The following ZFYVE26 variants were observed in gnomAD, a reference collection of about 807,000 sequenced individuals.
ZFYVE26 encodes zinc finger FYVE domain-containing protein 26.
ZFYVE26 carries 181 observed loss-of-function variants against 276.5 expected under a neutral mutation model. The ratio of observed to expected loss-of-function variants is 0.65; its 90% CI spans 0.58 to 0.74. The LOEUF is 0.74. Among genes scored for constraint, ZFYVE26 ranks in the 30% least tolerant of loss-of-function variants. The probability of loss-of-function intolerance (pLI) is 0.00; values close to 1 mark genes in which losing one functional copy is unlikely to be tolerated. For missense variants in ZFYVE26, 2,821 were observed against 3,097.9 expected (o/e 0.91, Z 2.12); for synonymous variants, 1,129 against 1,203.1 (o/e 0.94, Z 1.27).
chr14:67,785,948 G>A lies in ZFYVE26; in HGVS notation c.3214C>T (p.Leu1072=). ...TELLQMCWPS[L]SEDCVASHTT... is the part of the protein sequence containing the mutation. ...TGGCTGGCAACACAGTCCTCGCTTA[G>A]GCTGGGCCAGCACATCTGAAGCAGT... Residue 1072 remains leucine, a synonymous_variant, in exon 18 of 42, where the codon CTA becomes TTA. Coordinates refer to ENST00000347230, the MANE Select transcript of ZFYVE26 (RefSeq NM_015346.4). 1 of 1,614,222 alleles carries A rather than the reference G, an allele frequency of 6.2e-7. No homozygotes were observed. The highest frequency in any genetic ancestry group is 8.5e-7 in the Non-Finnish European group (1 of 1,180,044).
At position 67,785,243 on chromosome 14, in the gene ZFYVE26, C is replaced by T. The variant is rs750115328; in HGVS notation, c.3339G>A (p.Glu1113=). 6.2e-7 allele frequency: 1 copy of T among 1,612,498 alleles called. No individual in the cohort carries two copies. The highest frequency in any genetic ancestry group is 2.2e-5 in the East Asian group (1 of 44,840). The part of the protein sequence containing the change: ...PRTPPLSSLV[E]QAAQKAPEAE... ...CCTCTGGAGCTTTCTGGGCTGCCTG[C>T]TCCACCAGGGAAGACAGTGGAGGAG... Residue 1113 remains glutamate (E), a synonymous_variant, in exon 19 of 42, where the codon GAG becomes GAA. Coordinates refer to ENST00000347230, the MANE Select transcript of ZFYVE26 (RefSeq NM_015346.4).
chr14:67,798,290 G>A lies in ZFYVE26; in HGVS notation c.1972C>T (p.Pro658Ser). 6.2e-7 allele frequency: 1 copy of A among 1,614,138 alleles called. No homozygotes were observed. The highest frequency in any genetic ancestry group is 8.5e-7 in the Non-Finnish European group (1 of 1,180,020). Residue 658 changes from proline to serine, a missense_variant, in exon 11 of 42, where the codon CCA becomes TCA. By Grantham distance (74) the Pro-to-Ser change is moderately conservative. Transcript: ENST00000347230. ...HVKAEPKDSYPGPHRHSFLDL... is the reference protein window; with the variant it reads ...HVKAEPKDSYSGPHRHSFLDL... Reference sequence around the variant, plus strand: ...AAAAAGCTGTGCCTATGAGGCCCTGGGTAACTGTCTTTTGGCTCTGCCTTC... The same window carrying A: ...AAAAAGCTGTGCCTATGAGGCCCTGAGTAACTGTCTTTTGGCTCTGCCTTC...
chr14:67,805,653 G>A (rs1376760849), intron 6 of ZFYVE26, 35 bp from the exon 7 acceptor site: 1 of 1,607,794 alleles, frequency 6.2e-7, no homozygotes, highest in East Asian at 2.2e-5. Flanking sequence ...AGGCAGCTAT[G>A]TGGATGAGAC....
rs148005245 is a variant in ZFYVE26, at chr14:67,800,924, T to TATAAATAA, written c.1639+1147_1639+1154dup. Among the ~76,000 whole-genome samples, 1,412 of 148,688 alleles carry TATAAATAA rather than the reference T, an allele frequency of 9.5e-3. 29 individuals are homozygous for TATAAATAA. Among genetic ancestry groups the TATAAATAA allele is most frequent in the African/African-American group, 0.034 (1,347 of 39,962 alleles). The stretch of plus-strand genomic sequence containing the variant: ...ACCTTGGTATAATAAAAAGTTACCG[T>TATAAATAA]ATAAATAAATAAATAAATAAATAAA... On this transcript the variant is annotated intron_variant, in intron 10 of 41. Coordinates refer to ENST00000347230, the MANE Select transcript of ZFYVE26 (RefSeq NM_015346.4).
chr14:67,782,324 A>C (rs940767476), intron 21 of ZFYVE26, among the ~76,000 whole-genome samples: 1 of 152,182 alleles, frequency 6.6e-6, no homozygotes, highest in African/African-American at 2.4e-5. Flanking sequence ...AGCCATGCTC[A>C]TTTCTTTATA....
At chr14:67,771,117 C>G (rs899411245) in intron 28 of ZFYVE26, among the ~76,000 whole-genome samples, 1 of 152,122 alleles carries the variant, frequency 6.6e-6, no homozygotes, top group Non-Finnish European at 1.5e-5. Flanking sequence ...CTGAACTTCT[C>G]CCTCCTTCCA....
rs1454949550 is a variant in ZFYVE26 at position 67,784,363 on chromosome 14, G to A, written c.3597C>T (p.Leu1199=). The A allele has an allele frequency of 1.2e-6, 2 of 1,613,978 alleles. No individual in the cohort carries two copies. Among genetic ancestry groups the A allele is most frequent in the African/African-American group, 2.7e-5 (2 of 74,916 alleles). Reference sequence around the variant, plus strand: ...CTGGGGGAACTTGTCTCTCAAACAGGAGATGTGACACCAGTTGGGAAGAGC... The same window carrying A: ...CTGGGGGAACTTGTCTCTCAAACAGAAGATGTGACACCAGTTGGGAAGAGC... The part of the protein sequence containing the change: ...QQSSSQLVSH[L]LFERQVPPER... The change falls in exon 20 of 42, where the codon CTC becomes CTT. Residue 1199 remains leucine (L), a synonymous_variant. Transcript: ENST00000347230.
At chr14:67,789,990 G>A (rs2140233178) in intron 15 of ZFYVE26, among the ~76,000 whole-genome samples, 1 of 152,304 alleles carries the variant, frequency 6.6e-6, no homozygotes, top group South Asian at 2.1e-4. Flanking sequence ...TTGTGAATAG[G>A]CATAGAAAAT....
At chr14:67,804,951 G>A (rs778223093) in intron 8 of ZFYVE26, among the ~76,000 whole-genome samples, 31 of 152,172 alleles carry the variant, frequency 2.0e-4, no homozygotes, top group Non-Finnish European at 4.0e-4. Flanking sequence ...CCTAGCTTAT[G>A]GTAAGTGCAC....
intron 21 of ZFYVE26, 58 bp downstream of exon 21, chr14:67,782,722 C>A: frequency 1.2e-6 from 2 of 1,603,912 alleles, no homozygotes; most frequent in Non-Finnish European, 1.7e-6. Flanking sequence ...TGATAATATA[C>A]CCAGTGAATA....
intron 4 of ZFYVE26, among the ~76,000 whole-genome samples, chr14:67,808,437 T>C (rs1335126024): frequency 6.6e-6 from 1 of 152,214 alleles, no homozygotes; most frequent in Non-Finnish European, 1.5e-5. Context: ...ACAACTTCAA[T>C]GTACTTAAAA....
intron 12 of ZFYVE26, among the ~76,000 whole-genome samples, 167 bp from the exon 13 acceptor site, chr14:67,794,406 A>G (rs2039900999): frequency 6.6e-6 from 1 of 152,236 alleles, no homozygotes; most frequent in Admixed American, 6.5e-5. Flanking sequence ...CCTATAGACC[A>G]AAGGCAAAGG....
intron 22 of ZFYVE26, among the ~76,000 whole-genome samples, chr14:67,780,763 T>A (rs150107810): frequency 6.6e-6 from 1 of 152,318 alleles, no homozygotes; most frequent in African/African-American, 2.4e-5. Flanking sequence ...AGAAACCTTT[T>A]TTCACCTGTC....
chr14:67,809,406 CTCTTTTTT>C, intron 3 of ZFYVE26, 117 bp from the exon 4 acceptor site: 1 of 237,772 alleles, frequency 4.2e-6, no homozygotes, highest in Non-Finnish European at 6.8e-6. Context: ...AGATGAAGCA[CTCTTTTTT>C]TTTTTTTTTT....
In ZFYVE26 at chr14:67,747,244, C is replaced by T. The variant is rs745495074; in HGVS notation, c.*1192G>A. On this transcript the variant is annotated 3_prime_UTR_variant, in exon 42 of 42. Transcript: ENST00000347230. The stretch of plus-strand genomic sequence containing the variant: ...CAAGACAGTGCATATTAAAGAAGCA[C>T]TTCACCTAGTTTTCCACCAACCAGA... The T allele has an allele frequency of 1.3e-5, 2 of 152,290 alleles. No homozygotes were observed. The highest frequency in any genetic ancestry group is 2.9e-5 in the Non-Finnish European group (2 of 68,046). The allele number at this position is 152,290 out of a possible 1,614,324, so 9.4% of individuals were successfully genotyped here.
intron 12 of ZFYVE26, among the ~76,000 whole-genome samples, 194 bp from the exon 13 acceptor site, chr14:67,794,433 A>C (rs963788667): frequency 4.6e-5 from 7 of 152,214 alleles, no homozygotes; most frequent in Non-Finnish European, 1.0e-4. Context: ...TGAATATGGC[A>C]ACAGAGTTCA....
At chr14:67,793,212 G>A (rs578219418) in intron 14 of ZFYVE26, among the ~76,000 whole-genome samples, 56 of 152,226 alleles carry the variant, frequency 3.7e-4, no homozygotes, top group Non-Finnish European at 6.2e-4. Context: ...AGCAGAAATC[G>A]TGCCACAGCA....
chr14:67,804,257 TG>T lies in ZFYVE26; in HGVS notation c.1278del (p.Ile427TyrfsTer63). The stretch of plus-strand genomic sequence containing the variant: ...TGATACAACAGATCTCTCTTTGGTA[TG>T]GGGTTGCTGAATGGAAAAGTTGGGA... ...LEWCIQQSSN[P>X]IPKRDLLYHL... On this transcript the variant is annotated frameshift_variant, in exon 9 of 42. Coordinates refer to ENST00000347230, the MANE Select transcript of ZFYVE26 (RefSeq NM_015346.4). LOFTEE classifies it high-confidence loss of function. The T allele has an allele frequency of 6.2e-7, 1 of 1,614,184 alleles. No homozygotes were observed. Among genetic ancestry groups the T allele is most frequent in the Non-Finnish European group, 8.5e-7 (1 of 1,180,024 alleles).
chr14:67,797,599 G>A, intron 12 of ZFYVE26, 73 bp downstream of exon 12: 1 of 1,511,344 alleles, frequency 6.6e-7, no homozygotes, highest in Non-Finnish European at 9.2e-7. Context: ...ACCATGTGCT[G>A]TTTCTTAAAG....
Sources: gnomAD v4.1 joint callset for allele counts (sites outside exome capture counted in the v4.1 genomes callset) on GRCh38, gnomAD v4.1.1 for gene constraint, MANE v1.5 for transcripts, NCBI Gene and HGNC (gene_info 2026-07-23, HGNC 2026-07-21) for gene names.